Variants in DNAH7 observed in about 807,000 individuals in gnomAD.
The protein encoded by DNAH7 is dynein axonemal heavy chain 7, also known as axonemal beta dynein heavy chain 7.
DNAH7 carries 397 observed loss-of-function variants against 444.6 expected under a neutral mutation model. The ratio of observed to expected loss-of-function variants is 0.89; its 90% CI spans 0.82 to 0.97. The LOEUF (loss-of-function observed/expected upper bound fraction) is 0.97. Ranked by LOEUF, DNAH7 falls within the 50% of genes least tolerant of loss-of-function variation. The pLI, the probability that DNAH7 is intolerant of heterozygous loss-of-function variation, is 0.00. For synonymous variants in DNAH7, 1,636 were observed against 1,624.4 expected, an observed-to-expected ratio of 1.01 and a Z score of -0.17; for missense variants, 4,902 against 4,800.8, an observed-to-expected ratio of 1.02 and a Z score of -0.62.
intron 51 of DNAH7, among the ~76,000 whole-genome samples, chr2:195,813,102 G>A (rs1292701698): frequency 6.6e-6 from 1 of 151,922 alleles, no homozygotes; most frequent in Non-Finnish European, 1.5e-5. Context: ...GATACATATC[G>A]GCACCAAAAG....
chr2:195,946,313 A>G (rs373039911), intron 19 of DNAH7, among the ~76,000 whole-genome samples: 24 of 152,212 alleles, frequency 1.6e-4, no homozygotes, highest in African/African-American at 5.5e-4. Context: ...ATACTGCTAC[A>G]GTATGGGGTA....
intron 19 of DNAH7, among the ~76,000 whole-genome samples, chr2:195,955,292 C>A (rs1365529031): frequency 6.6e-6 from 1 of 152,122 alleles, no homozygotes; most frequent in Non-Finnish European, 1.5e-5. Flanking sequence ...ATCCTTTCCC[C>A]ATTTCTTGTT....
chr2:195,831,108 T>G (rs1698046531), intron 48 of DNAH7, among the ~76,000 whole-genome samples: 1 of 151,280 alleles, frequency 6.6e-6, no homozygotes, highest in South Asian at 2.1e-4. Context: ...GATACAAAGT[T>G]TTTTTTTTAT....
chr2:196,068,619 G>A (rs1051784772), intron 1 of DNAH7, 78 bp downstream of exon 1: 1 of 1,540,258 alleles, frequency 6.5e-7, no homozygotes, highest in South Asian at 1.2e-5. Context: ...TCGCTAGGCA[G>A]GAGGGGCTTC....
intron 30 of DNAH7, 110 bp downstream of exon 30, chr2:195,894,866 T>C (rs1702215255): frequency 1.8e-6 from 2 of 1,102,746 alleles, no homozygotes; most frequent in African/African-American, 1.6e-5. Flanking sequence ...TTGACTCATT[T>C]TTCTCATGAT....
intron 47 of DNAH7, among the ~76,000 whole-genome samples, chr2:195,844,609 G>A (rs1284149243): frequency 1.3e-5 from 2 of 152,140 alleles, no homozygotes; most frequent in Non-Finnish European, 2.9e-5. Flanking sequence ...TCCCACACTA[G>A]GGACTAAGAC....
At position 195,974,529 on chromosome 2, in the gene DNAH7, A is replaced by G. The variant is rs1692054445; in HGVS notation, c.1834-2063T>C. Among the ~76,000 whole-genome samples, 4 of 152,146 alleles carry G rather than the reference A, an allele frequency of 2.6e-5. No individual in the cohort carries two copies. The South Asian group carries it at 8.3e-4, about 31-fold the overall frequency. On this transcript the variant is annotated intron_variant, in intron 15 of 64. Transcript: ENST00000312428. ...GAAATTCACAATAAATAATCCCCAA[A>G]TTCCTAAATATTTCCAGTAATAGCT... is the stretch of plus-strand genomic sequence containing the variant.
At chr2:195,983,144 A>G (rs902651157) in intron 15 of DNAH7, among the ~76,000 whole-genome samples, 1 of 152,190 alleles carries the variant, frequency 6.6e-6, no homozygotes, top group Non-Finnish European at 1.5e-5. Context: ...AAAATTTAAA[A>G]GGATTTTTTG....
intron 61 of DNAH7, 84 bp downstream of exon 61, chr2:195,771,576 T>A (rs1001094787): frequency 7.9e-6 from 8 of 1,015,146 alleles, no homozygotes; most frequent in Non-Finnish European, 1.2e-5. Flanking sequence ...GCTTATACAG[T>A]ATTTGTGCTA....
rs770263537 is a variant in DNAH7 at position 195,816,983 on chromosome 2, T to C, written c.9426-20A>G. 1 of 1,530,336 alleles carries C rather than the reference T, an allele frequency of 6.5e-7. No homozygotes were observed. Among genetic ancestry groups the C allele is most frequent in the South Asian group, 1.3e-5 (1 of 79,222 alleles). 94.8% of individuals were successfully genotyped at this position (1,530,336 alleles called of 1,614,324 possible). On this transcript the variant is annotated intron_variant, in intron 50 of 64. Transcript: ENST00000312428. ...AACTGCCTGGAATAAAACAAAATTT[T>C]CTTAGAAGAAAAAGAAGTCATTTAA...
At chr2:195,965,615 A>AT (rs952110328) in intron 17 of DNAH7, among the ~76,000 whole-genome samples, 4 of 151,952 alleles carry the variant, frequency 2.6e-5, no homozygotes, top group Admixed American at 6.6e-5. Context: ...TTACTGGGAG[A>AT]TTTTTTTATT....
intron 61 of DNAH7, 60 bp downstream of exon 61, chr2:195,771,600 T>G: frequency 8.0e-7 from 1 of 1,257,740 alleles, no homozygotes; most frequent in East Asian, 2.3e-5. Context: ...AAGTATTTGC[T>G]AAATAAATGA....
intron 54 of DNAH7, among the ~76,000 whole-genome samples, chr2:195,800,079 A>G (rs928913365): frequency 6.6e-5 from 10 of 152,154 alleles, no homozygotes; most frequent in African/African-American, 2.4e-4. Flanking sequence ...TGGGGGTGGA[A>G]TTGCATTCAG....
At chr2:195,938,680 C>T (rs1687852916) in intron 19 of DNAH7, among the ~76,000 whole-genome samples, 1 of 151,972 alleles carries the variant, frequency 6.6e-6, no homozygotes, top group African/African-American at 2.4e-5. Context: ...AAATAACAAA[C>T]AAACAACAAC....
intron 61 of DNAH7, among the ~76,000 whole-genome samples, chr2:195,760,419 G>A (rs1219986512): frequency 6.6e-6 from 1 of 152,174 alleles, no homozygotes. Context: ...CCAGGGCCTT[G>A]AGCAAACATA....
chr2:195,972,113 A>C (rs1315641530), intron 16 of DNAH7, 129 bp downstream of exon 16: 2 of 700,750 alleles, frequency 2.9e-6, no homozygotes, highest in East Asian at 5.4e-5. Context: ...ATTTATAGTG[A>C]GATTATAGCA....
At chr2:195,767,513 G>A (rs1216604720) in intron 61 of DNAH7, among the ~76,000 whole-genome samples, 1 of 150,894 alleles carries the variant, frequency 6.6e-6, no homozygotes, top group African/African-American at 2.4e-5. Context: ...CCTTTTTTTT[G>A]TTCAGTTTTA....
At position 196,048,288 on chromosome 2, in the gene DNAH7, G is replaced by C. The variant is rs373480166; in HGVS notation, c.250+8C>G. 7.5e-6 allele frequency: 12 copies of C among 1,596,140 alleles called. No individual in the cohort carries two copies. Among genetic ancestry groups the C allele is most frequent in the Non-Finnish European group, 1.0e-5 (12 of 1,167,396 alleles). On this transcript the variant is annotated splice_region_variant and intron_variant, in intron 4 of 64. Transcript: ENST00000312428. ...CTTAAATCTAATTTAGAATATTGAA[G>C]TTCTTACCATGGGACTGTTCATTTT...
rs376004266 is a variant in DNAH7 at position 195,777,997 on chromosome 2, C to T, written c.10879-12G>A. ...TCATACGGCAGTTCCTAAAATAGTGCGTGTCAGTCAACCAGTTATCAGTAG... is the reference window on the plus strand; with the variant it reads ...TCATACGGCAGTTCCTAAAATAGTGTGTGTCAGTCAACCAGTTATCAGTAG... On this transcript the variant is annotated splice_polypyrimidine_tract_variant and intron_variant, in intron 58 of 64. Transcript: ENST00000312428. 2.5e-4 allele frequency: 392 copies of T among 1,580,276 alleles called. No homozygotes were observed. The highest frequency in any genetic ancestry group is 3.2e-4 in the Non-Finnish European group (369 of 1,158,596).
Sources: allele counts gnomAD v4.1 joint callset (sites outside exome capture counted in the v4.1 genomes callset), GRCh38; gene constraint gnomAD v4.1.1; transcripts MANE v1.5; gene names NCBI Gene and HGNC (gene_info 2026-07-23, HGNC 2026-07-21).